The following PCDHGA1 variants were observed in gnomAD, a reference collection of about 807,000 sequenced individuals.
The protein encoded by PCDHGA1 is protocadherin gamma subfamily A, 1.
In PCDHGA1, 32 loss-of-function variants were observed where a neutral mutation model predicts 58.0. That is an observed-to-expected ratio of 0.55 (90% CI 0.42 to 0.74). The LOEUF is 0.74. Among genes scored for constraint, PCDHGA1 ranks in the 30% least tolerant of loss-of-function variants. PCDHGA1 has a pLI of 0.00. For missense variants in PCDHGA1, 1,205 were observed against 1,182.3 expected (o/e 1.02, Z -0.28); for synonymous variants, 498 against 501.1 (o/e 0.99, Z 0.08).
chr5:141,341,181 G>A, intron 1 of PCDHGA1: 2 of 1,614,222 alleles, frequency 1.2e-6, no homozygotes, highest in East Asian at 2.2e-5. Flanking sequence ...GGCATGCAGA[G>A]CTCGCACTTT....
At chr5:141,351,814 C>T (rs368055501) in intron 1 of PCDHGA1, 8 of 1,613,124 alleles carry the variant, frequency 5.0e-6, no homozygotes, top group Admixed American at 1.7e-5. Context: ...CCTTCGACCA[C>T]GAGCAGCTGC....
chr5:141,350,694 C>T (rs1466835442), intron 1 of PCDHGA1: 6 of 1,613,888 alleles, frequency 3.7e-6, no homozygotes, highest in Non-Finnish European at 5.1e-6. Context: ...TCAGCCTTAC[C>T]CGGGGTAAAA....
chr5:141,478,418 C>A, intron 1 of PCDHGA1: 1 of 1,613,650 alleles, frequency 6.2e-7, no homozygotes, highest in Non-Finnish European at 8.5e-7. Context: ...GGACTCCCGC[C>A]GCAGCGACCC....
rs552017054 is a variant in PCDHGA1 at position 141,425,594 on chromosome 5, A to G, written c.2422-69213A>G. On this transcript the variant is annotated intron_variant, in intron 1 of 3. Transcript: ENST00000517417. ...GGGTTTGGCTAACTTTATTCTGAAT[A>G]TGCCCTATATAGCTTTCAGTGCTCC... 2.6e-5 allele frequency among the ~76,000 whole-genome samples: 4 copies of G among 152,370 alleles called. No homozygotes were observed. In the South Asian group the frequency reaches 8.3e-4, roughly 32 times the overall value.
Position 141,365,890 on chromosome 5 carries a change from C to T in PCDHGA1, c.2421+32785C>T, listed in dbSNP as rs780121604. On this transcript the variant is annotated intron_variant, in intron 1 of 3. Transcript: ENST00000517417. ...GTGTCCTGTATGCTCTGAGATCCTT[C>T]GACTATGAGCAGTTGAGAGACCTAC... The T allele has an allele frequency of 3.1e-6, 5 of 1,614,140 alleles. No individual in the cohort carries two copies. The Admixed American group carries it at 6.7e-5, about 22-fold the overall frequency.
At chr5:141,333,412 C>G in intron 1 of PCDHGA1, 1 of 449,228 alleles carries the variant, frequency 2.2e-6, no homozygotes, top group East Asian at 3.8e-5. Context: ...CTAACATTTT[C>G]TTACTTGCCT....
chr5:141,383,036 G>A, intron 1 of PCDHGA1: 1 of 1,613,876 alleles, frequency 6.2e-7, no homozygotes, highest in Non-Finnish European at 8.5e-7. Flanking sequence ...TCCTTTGTGG[G>A]AGACATCGCC....
intron 1 of PCDHGA1, chr5:141,364,798 C>T (rs1290164632): frequency 2.5e-6 from 4 of 1,613,890 alleles, no homozygotes; most frequent in Non-Finnish European, 3.4e-6. Context: ...TGCTTCCCTT[C>T]GCGCGGGATG....
intron 1 of PCDHGA1, chr5:141,391,723 C>CT (rs1366104842): frequency 6.6e-6 from 1 of 152,126 alleles, no homozygotes; most frequent in African/African-American, 2.4e-5. Flanking sequence ...GGGAAACAGA[C>CT]TTTTTTGTAG....
In PCDHGA1 at chr5:141,512,133, G is replaced by A. The variant is rs1394116556; in HGVS notation, c.*960G>A. ...CCACTACATAATAGGGCTCAGCCCA[G>A]GCAGCCAGCTTTGGGCTGAGCTAAC... On this transcript the variant is annotated 3_prime_UTR_variant, in exon 4 of 4. Coordinates refer to ENST00000517417, the MANE Select transcript of PCDHGA1 (RefSeq NM_018912.3). 3 of 152,708 alleles carry A rather than the reference G, an allele frequency of 2.0e-5. No homozygotes were observed. Among genetic ancestry groups the A allele is most frequent in the Non-Finnish European group, 2.9e-5 (2 of 68,102 alleles). 9.5% of individuals were successfully genotyped at this position (152,708 alleles called of 1,614,324 possible).
At position 141,334,914 on chromosome 5, in the gene PCDHGA1, A is replaced by C. The variant is rs1756540834; in HGVS notation, c.2421+1809A>C. Among the ~76,000 whole-genome samples, 1 of 152,196 alleles carries C rather than the reference A, an allele frequency of 6.6e-6. No homozygotes were observed. On this transcript the variant is annotated intron_variant, in intron 1 of 3. Coordinates refer to ENST00000517417, the MANE Select transcript of PCDHGA1 (RefSeq NM_018912.3). This position sits in a 1 kb window ranked among gnomAD's most constrained non-coding sequence, Gnocchi z 4.6. ...AGTGTAGAAGAGAAAAAAACAAACT[A>C]AAACTAAAAACAAACAGAGCTCTTC...
rs765376157 is a variant in PCDHGA1 at position 141,486,033 on chromosome 5, A to G, written c.2422-8774A>G. 4.3e-6 allele frequency: 7 copies of G among 1,614,148 alleles called. No individual in the cohort carries two copies. The highest frequency in any genetic ancestry group is 5.9e-6 in the Non-Finnish European group (7 of 1,180,014). ...TTTTATTTCAGTGGTCATACCCCTG[A>G]TCGTGTAAGAAACCTCTTTAGCCTG... On this transcript the variant is annotated intron_variant, in intron 1 of 3. Transcript: ENST00000517417. This position sits in a 1 kb window ranked among gnomAD's most constrained non-coding sequence, Gnocchi z 5.0.
rs559636619 is a variant in PCDHGA1 at position 141,371,768 on chromosome 5, C to A, written c.2421+38663C>A. ...CCGTTTTCCACCAGGCCTCCTACAC[C>A]GTGCATGTAGCTGAGAACAATCCGC... On this transcript the variant is annotated intron_variant, in intron 1 of 3. Coordinates refer to ENST00000517417, the MANE Select transcript of PCDHGA1 (RefSeq NM_018912.3). 6.8e-6 allele frequency: 11 copies of A among 1,614,032 alleles called. No homozygotes were observed. The South Asian group carries it at 7.7e-5, about 11-fold the overall frequency.
intron 1 of PCDHGA1, among the ~76,000 whole-genome samples, chr5:141,447,303 C>G (rs1328783075): frequency 6.6e-6 from 1 of 151,990 alleles, no homozygotes; most frequent in Non-Finnish European, 1.5e-5. Context: ...CCACACCCGG[C>G]TAATTTTTGT....
At chr5:141,416,652 A>T (rs1028914487) in intron 1 of PCDHGA1, 1 of 152,240 alleles carries the variant, frequency 6.6e-6, no homozygotes, top group Non-Finnish European at 1.5e-5. Context: ...ACAGCTGTAA[A>T]AAAGAAAAGA....
intron 1 of PCDHGA1, chr5:141,339,421 C>A: frequency 1.2e-6 from 2 of 1,614,236 alleles, no homozygotes; most frequent in Non-Finnish European, 1.7e-6. Context: ...CGCCAGGATT[C>A]CGGATTCCTC....
In PCDHGA1 at chr5:141,473,538, T is replaced by C. The variant is rs544537855; in HGVS notation, c.2422-21269T>C. Among the ~76,000 whole-genome samples, 58 of 152,328 alleles carry C rather than the reference T, an allele frequency of 3.8e-4. 1 individual carries two copies. Among genetic ancestry groups the C allele is most frequent in the African/African-American group, 1.3e-3 (55 of 41,576 alleles). Reference sequence around the variant, plus strand: ...AAGGATCCTGGTTTTAACTGGGGCCTAATGGAAGACCTCTATTAGGAAATA... The same window carrying C: ...AAGGATCCTGGTTTTAACTGGGGCCCAATGGAAGACCTCTATTAGGAAATA... On this transcript the variant is annotated intron_variant, in intron 1 of 3. Coordinates refer to ENST00000517417, the MANE Select transcript of PCDHGA1 (RefSeq NM_018912.3).
At chr5:141,339,766 C>T (rs1465107479) in intron 1 of PCDHGA1, 5 of 1,613,986 alleles carry the variant, frequency 3.1e-6, no homozygotes, top group Non-Finnish European at 3.4e-6. Context: ...TCACGGTGAC[C>T]GCCACTGACG....
chr5:141,351,953 C>A lies in PCDHGA1; in HGVS notation c.2421+18848C>A, dbSNP rs756372194. The A allele has an allele frequency of 6.8e-6, 11 of 1,612,880 alleles. No homozygotes were observed. The highest frequency in any genetic ancestry group is 1.7e-4 in the Middle Eastern group (1 of 5,978). On this transcript the variant is annotated intron_variant, in intron 1 of 3. Transcript: ENST00000517417. ...ACGGGTGCTGTACCCCGCGCTGGGGCCTGATGGCTCCGCCCTCTTCGATAT... is the reference window on the plus strand; with the variant it reads ...ACGGGTGCTGTACCCCGCGCTGGGGACTGATGGCTCCGCCCTCTTCGATAT...
Sources: allele counts gnomAD v4.1 joint callset (sites outside exome capture counted in the v4.1 genomes callset), GRCh38; gene constraint gnomAD v4.1.1; non-coding constraint Gnocchi (gnomAD v3.1); transcripts MANE v1.5; gene names NCBI Gene and HGNC (gene_info 2026-07-23, HGNC 2026-07-21).